The following WDHD1 variants were observed in gnomAD, a reference collection of about 807,000 sequenced individuals.
WDHD1 encodes the protein WD repeat and HMG-box DNA-binding protein 1.
In WDHD1, 111 loss-of-function variants were observed where a neutral mutation model predicts 135.4. The ratio of observed to expected loss-of-function variants is 0.82; its 90% CI spans 0.70 to 0.96. WDHD1 has a LOEUF of 0.96. Ranked by LOEUF, WDHD1 falls within the 40% of genes least tolerant of loss-of-function variation. The pLI is 0.00. For synonymous variants in WDHD1, 434 were observed against 439.0 expected, an observed-to-expected ratio of 0.99 and a Z score of 0.14; for missense variants, 1,351 against 1,336.3, an observed-to-expected ratio of 1.01 and a Z score of -0.17.
At chr14:54,952,543 C>T (rs892629088) in intron 24 of WDHD1, among the ~76,000 whole-genome samples, 7 of 152,216 alleles carry the variant, frequency 4.6e-5, no homozygotes, top group African/African-American at 1.7e-4. Context: ...GGAAGAATCA[C>T]TATCGTGAAA....
rs763866505 is a variant in WDHD1 at position 54,991,307 on chromosome 14, G to T, written c.1247C>A (p.Ser416Tyr). The change falls in exon 12 of 26, where the codon TCC (serine) becomes TAC (tyrosine). Residue 416 changes from serine to tyrosine, a missense_variant. Coordinates refer to ENST00000360586, the MANE Select transcript of WDHD1 (RefSeq NM_007086.4). ...GGGTCCATCATAAAATGGCCTTTGG[G>T]ATGTTACAAGTGGTAGATTGTGAAT... ...GSIHNLPLVT[S>Y]QRPFYDGPMP... The T allele has an allele frequency of 6.2e-6, 10 of 1,614,034 alleles. No homozygotes were observed. Among genetic ancestry groups the T allele is most frequent in the African/African-American group, 1.3e-5 (1 of 75,048 alleles).
In WDHD1 at chr14:54,953,263, C is replaced by T. The variant is rs190153810; in HGVS notation, c.3050+2298G>A. On this transcript the variant is annotated intron_variant, in intron 24 of 25. Coordinates refer to ENST00000360586, the MANE Select transcript of WDHD1 (RefSeq NM_007086.4). ...TAATATCCAGAATCTACAAAGAACT[C>T]AAACAAATTTACAAGAAAAAAACAA... Among the ~76,000 whole-genome samples, 570 of 152,138 alleles carry T rather than the reference C, an allele frequency of 3.7e-3. 1 individual carries two copies. Among genetic ancestry groups the T allele is most frequent in the African/African-American group, 0.013 (531 of 41,506 alleles).
chr14:55,005,433 C>A (rs935198916), intron 7 of WDHD1: 3 of 569,692 alleles, frequency 5.3e-6, no homozygotes, highest in Non-Finnish European at 1.0e-5. Flanking sequence ...TTCAGCATGG[C>A]CTTCGGACCA....
Position 54,975,826 on chromosome 14 carries a change from C to T in WDHD1, c.2063+5714G>A, listed in dbSNP as rs897972322. 5.3e-5 allele frequency among the ~76,000 whole-genome samples: 8 copies of T among 151,906 alleles called. No individual in the cohort carries two copies. The South Asian group carries it at 8.3e-4, about 16-fold the overall frequency. ...TATTCAGGTGTGCACCGATGTGACACGCTCTCAAATGAATTTTTAAAAATT... is the reference window on the plus strand; with the variant it reads ...TATTCAGGTGTGCACCGATGTGACATGCTCTCAAATGAATTTTTAAAAATT... On this transcript the variant is annotated intron_variant, in intron 16 of 25. Coordinates refer to ENST00000360586, the MANE Select transcript of WDHD1 (RefSeq NM_007086.4).
At chr14:54,973,585 T>A (rs2041475322) in intron 16 of WDHD1, among the ~76,000 whole-genome samples, 2 of 152,214 alleles carry the variant, frequency 1.3e-5, no homozygotes, top group South Asian at 2.1e-4. Context: ...TTTGAAAGAA[T>A]CTTGTGGCAA....
At chr14:55,003,264 C>T (rs1427085284) in intron 7 of WDHD1, among the ~76,000 whole-genome samples, 2 of 152,036 alleles carry the variant, frequency 1.3e-5, no homozygotes, top group Non-Finnish European at 2.9e-5. Flanking sequence ...AATCTCAGCA[C>T]TTTGGGAGGC....
intron 7 of WDHD1, chr14:55,005,262 G>A (rs1369777052): frequency 3.7e-6 from 2 of 541,948 alleles, no homozygotes; most frequent in African/African-American, 1.9e-5. Context: ...GCAATGGTAG[G>A]TACGTTAACA....
chr14:55,007,292 T>G lies in WDHD1; in HGVS notation c.588A>C (p.Pro196=). 1 of 1,592,292 alleles carries G rather than the reference T, an allele frequency of 6.3e-7. No individual in the cohort carries two copies. ...AAGAATCACTTACCTTCCCACTTTT[T>G]GGCTGCCAAGCAAGTCTGCAGATTG... ...AKSICRLAWQ[P]KSGKLLAIPV... The change falls in exon 7 of 26, where the codon CCA becomes CCC. Residue 196 remains proline, a synonymous_variant. Coordinates refer to ENST00000360586, the MANE Select transcript of WDHD1 (RefSeq NM_007086.4).
chr14:54,973,234 G>A (rs1481802971), intron 16 of WDHD1, among the ~76,000 whole-genome samples: 1 of 151,050 alleles, frequency 6.6e-6, no homozygotes, highest in Non-Finnish European at 1.5e-5. Context: ...CTTTTAATCA[G>A]GACATTCTTG....
intron 3 of WDHD1, 146 bp from the exon 4 acceptor site, chr14:55,010,606 T>G: frequency 9.4e-6 from 7 of 744,224 alleles, no homozygotes; most frequent in Non-Finnish European, 1.4e-5. Context: ...ATGTACAACT[T>G]TGCTGGAATG....
At chr14:55,005,425 C>T in intron 7 of WDHD1, 1 of 570,962 alleles carries the variant, frequency 1.8e-6, no homozygotes, top group Admixed American at 1.9e-5. Context: ...CAGCAAACTT[C>T]AGCATGGCCT....
chr14:54,972,596 AT>A (rs2041458736), intron 16 of WDHD1, among the ~76,000 whole-genome samples: 1 of 141,632 alleles, frequency 7.1e-6, no homozygotes, highest in South Asian at 2.3e-4. Flanking sequence ...AAAAATGCCA[AT>A]GAGGCATATT....
In WDHD1 at chr14:54,963,164, A is replaced by C; in HGVS notation, c.2319T>G (p.Cys773Trp). ...ELLMKMLALS[C>W]KLEREFRCVE... is the part of the protein sequence containing the mutation. ...CACAACGGAATTCTCGCTCCAGTTTACAAGAAAGCTAATCCAAAAAGGGGG... is the reference window on the plus strand; with the variant it reads ...CACAACGGAATTCTCGCTCCAGTTTCCAAGAAAGCTAATCCAAAAAGGGGG... Residue 773 changes from cysteine (C) to tryptophan (W), a missense_variant, in exon 19 of 26, where the codon TGT becomes TGG. Physicochemically the swap from Cys to Trp is radical, Grantham distance 215 (BLOSUM62 -2). Transcript: ENST00000360586. 1.2e-6 allele frequency: 1 copy of C among 811,316 alleles called. No homozygotes were observed. Among genetic ancestry groups the C allele is most frequent in the East Asian group, 5.7e-5 (1 of 17,446 alleles). The allele number at this position is 811,316 out of a possible 1,614,324, so 50.3% of individuals were successfully genotyped here. A position where few individuals can be genotyped will look rare whatever the true frequency, so the allele number is the denominator to read the frequency against.
At chr14:54,994,025 T>C (rs1478228756) in intron 11 of WDHD1, among the ~76,000 whole-genome samples, 2 of 152,188 alleles carry the variant, frequency 1.3e-5, no homozygotes, top group Non-Finnish European at 2.9e-5. Context: ...GCATTTTACT[T>C]GATAATGTTC....
At chr14:55,011,878 T>C (rs1302647559) in intron 3 of WDHD1, among the ~76,000 whole-genome samples, 1 of 152,180 alleles carries the variant, frequency 6.6e-6, no homozygotes, top group Admixed American at 6.5e-5. Flanking sequence ...ACCCTTCAAT[T>C]GTTTCCGACA....
intron 15 of WDHD1, among the ~76,000 whole-genome samples, chr14:54,984,519 G>T (rs1229648525): frequency 2.0e-5 from 3 of 151,882 alleles, no homozygotes; most frequent in African/African-American, 7.3e-5. Context: ...ATAAAAACAA[G>T]ATCTTATACA....
intron 2 of WDHD1, 133 bp downstream of exon 2, chr14:55,026,578 T>C (rs2042446068): frequency 2.3e-6 from 2 of 853,702 alleles, no homozygotes; most frequent in African/African-American, 3.4e-5. Flanking sequence ...TCTAAAGAAA[T>C]ATGTGTGCCA....
In WDHD1 at chr14:55,013,194, C is replaced by CAAAAAAAAAAAA. The variant is rs71448422; in HGVS notation, c.189+279_189+290dup. On this transcript the variant is annotated intron_variant, in intron 3 of 25. Transcript: ENST00000360586. ...TGAGCAACATGGCAAGATCCCGTTT[C>CAAAAAAAAAAAA]AAAAAAAAAAAAAAAAAAAAAAAAT... Among the ~76,000 whole-genome samples, 312 of 82,270 alleles carry CAAAAAAAAAAAA rather than the reference C, an allele frequency of 3.8e-3. 25 individuals are homozygous for CAAAAAAAAAAAA. Among genetic ancestry groups the CAAAAAAAAAAAA allele is most frequent in the African/African-American group, 0.015 (280 of 19,284 alleles). 54.0% of individuals were successfully genotyped at this position (82,270 alleles called of 152,430 possible). A position where few individuals can be genotyped will look rare whatever the true frequency, so the allele number is the denominator to read the frequency against.
At chr14:55,007,821 C>T (rs1195179023) in intron 6 of WDHD1, among the ~76,000 whole-genome samples, 1 of 152,142 alleles carries the variant, frequency 6.6e-6, no homozygotes, top group African/African-American at 2.4e-5. Context: ...CATTCATATT[C>T]TCTCTAGAAA....
Sources: gnomAD v4.1 joint callset for allele counts (sites outside exome capture counted in the v4.1 genomes callset) on GRCh38, gnomAD v4.1.1 for gene constraint, MANE v1.5 for transcripts, NCBI Gene and HGNC (gene_info 2026-07-23, HGNC 2026-07-21) for gene names.